KCNQ5: variants seen among roughly 807,000 people sequenced by gnomAD.
The protein encoded by KCNQ5 is potassium voltage-gated channel subfamily Q member 5.
KCNQ5 carries 30 observed loss-of-function variants against 98.2 expected under a neutral mutation model. The ratio of observed to expected loss-of-function variants is 0.31; its 90% CI spans 0.23 to 0.41. The LOEUF is 0.41. Ranked by LOEUF, KCNQ5 falls within the 10% of genes least tolerant of loss-of-function variation. KCNQ5 has a pLI of 1.00. For missense variants in KCNQ5, 835 were observed against 1,182.5 expected, an observed-to-expected ratio of 0.71 and a Z score of 4.31; for synonymous variants, 458 against 449.4, an observed-to-expected ratio of 1.02 and a Z score of -0.24.
intron 3 of KCNQ5, among the ~76,000 whole-genome samples, chr6:73,073,069 G>A (rs1199403784): frequency 6.6e-6 from 1 of 151,972 alleles, no homozygotes; most frequent in African/African-American, 2.4e-5. Flanking sequence ...TGCTTTATGC[G>A]ATAACAATTT....
chr6:72,726,756 A>C (rs1260974617), intron 1 of KCNQ5, among the ~76,000 whole-genome samples: 1 of 152,238 alleles, frequency 6.6e-6, no homozygotes, highest in Non-Finnish European at 1.5e-5. Flanking sequence ...TAAAGGAAAG[A>C]AAGAACAGTG....
intron 1 of KCNQ5, among the ~76,000 whole-genome samples, chr6:72,670,012 C>T (rs1431460508): frequency 6.7e-6 from 1 of 149,204 alleles, no homozygotes; most frequent in African/African-American, 2.5e-5. Flanking sequence ...TCATCTCTTT[C>T]CTCTTGAATT....
chr6:72,819,720 A>G (rs939101857), intron 1 of KCNQ5, among the ~76,000 whole-genome samples: 63 of 152,196 alleles, frequency 4.1e-4, no homozygotes, highest in East Asian at 1.9e-4. Flanking sequence ...AGCATGAGCC[A>G]TCATGCCTCT....
intron 3 of KCNQ5, among the ~76,000 whole-genome samples, chr6:73,071,110 A>G (rs1049241984): frequency 8.5e-5 from 13 of 152,190 alleles, no homozygotes; most frequent in Non-Finnish European, 1.5e-5. Flanking sequence ...AAGATTGAAG[A>G]CTTATAATAT....
At position 73,192,659 on chromosome 6, in the gene KCNQ5, A is replaced by G; in HGVS notation, c.1804A>G (p.Met602Val). ...ACATGAGACCACAGACGATCTCAGT[A>G]TGCTCGGTCGGGTGGTCAAGGTTGA... ...AEHETTDDLSMLGRVVKVEKQ... is the reference protein window; with the variant it reads ...AEHETTDDLSVLGRVVKVEKQ... The change falls in exon 13 of 14, where the codon ATG becomes GTG. Residue 602 changes from methionine (M) to valine (V), a missense_variant. Met to Val is a conservative substitution (Grantham distance 21, BLOSUM62 1). Transcript: ENST00000370398. The G allele has an allele frequency of 6.2e-7, 1 of 1,608,824 alleles. No homozygotes were observed. The highest frequency in any genetic ancestry group is 8.5e-7 in the Non-Finnish European group (1 of 1,177,402).
chr6:72,866,003 C>T (rs1273090970), intron 1 of KCNQ5, among the ~76,000 whole-genome samples: 1 of 152,142 alleles, frequency 6.6e-6, no homozygotes, highest in Non-Finnish European at 1.5e-5. Flanking sequence ...GAGAGCTTTA[C>T]ATTATGTAAT....
intron 1 of KCNQ5, among the ~76,000 whole-genome samples, chr6:72,879,659 T>C (rs1438956159): frequency 6.6e-6 from 1 of 152,212 alleles, no homozygotes; most frequent in African/African-American, 2.4e-5. Flanking sequence ...AAAAATACTT[T>C]CTTGCCCTAA....
intron 1 of KCNQ5, among the ~76,000 whole-genome samples, chr6:72,888,809 C>T: frequency 6.6e-6 from 1 of 152,138 alleles, no homozygotes; most frequent in Admixed American, 6.6e-5. Context: ...CCTTCATTCA[C>T]ATTTTTTAAT....
intron 1 of KCNQ5, among the ~76,000 whole-genome samples, chr6:72,828,226 C>G (rs1582369548): frequency 3.3e-5 from 5 of 152,018 alleles, no homozygotes; most frequent in Admixed American, 3.3e-4. Flanking sequence ...CTTTGTGGCT[C>G]TATTCAAATT....
At chr6:73,125,296 A>T in intron 9 of KCNQ5, 1 of 348,440 alleles carries the variant, frequency 2.9e-6, no homozygotes, top group Non-Finnish European at 5.9e-6. Flanking sequence ...GGTGAAAGAA[A>T]AATTTCTTGA....
intron 1 of KCNQ5, among the ~76,000 whole-genome samples, chr6:72,858,178 C>T (rs1777609677): frequency 6.6e-6 from 1 of 152,028 alleles, no homozygotes; most frequent in South Asian, 2.1e-4. Flanking sequence ...TGGCATTTAA[C>T]TTTAAAATAC....
At chr6:73,179,840 C>T (rs1457623809) in intron 11 of KCNQ5, among the ~76,000 whole-genome samples, 1 of 152,224 alleles carries the variant, frequency 6.6e-6, no homozygotes, top group Non-Finnish European at 1.5e-5. Flanking sequence ...CTTCCCACCA[C>T]CTTGCACATC....
chr6:72,822,009 G>A (rs1194660815), intron 1 of KCNQ5, among the ~76,000 whole-genome samples: 1 of 152,126 alleles, frequency 6.6e-6, no homozygotes, highest in East Asian at 1.9e-4. Flanking sequence ...GTGACTCTCA[G>A]AAAGGCTGTC....
At chr6:72,641,482 A>G (rs2098927145) in intron 1 of KCNQ5, among the ~76,000 whole-genome samples, 1 of 152,088 alleles carries the variant, frequency 6.6e-6, no homozygotes, top group Admixed American at 6.6e-5. Flanking sequence ...TGCCCCAAAG[A>G]GCCTGAACCA....
At chr6:73,029,085 T>C (rs984017593) in intron 2 of KCNQ5, among the ~76,000 whole-genome samples, 2 of 152,156 alleles carry the variant, frequency 1.3e-5, no homozygotes, top group African/African-American at 4.8e-5. Context: ...CAGTGATGTA[T>C]TAATTAAGAC....
intron 1 of KCNQ5, among the ~76,000 whole-genome samples, chr6:72,768,819 T>C (rs543109448): frequency 1.5e-3 from 233 of 152,218 alleles, no homozygotes; most frequent in African/African-American, 5.4e-3. Context: ...AAATTTATTT[T>C]CATTGTAAAA....
At chr6:72,632,283 G>A (rs368290883) in intron 1 of KCNQ5, among the ~76,000 whole-genome samples, 18 of 151,628 alleles carry the variant, frequency 1.2e-4, no homozygotes, top group African/African-American at 3.9e-4. Context: ...GACTACAGGC[G>A]CCCGCGACCA....
At chr6:73,124,677 C>T (rs1775877170) in intron 9 of KCNQ5, 165 bp downstream of exon 9, 1 of 674,134 alleles carries the variant, frequency 1.5e-6, no homozygotes, top group Non-Finnish European at 2.6e-6. Context: ...ATATTTCGCC[C>T]CTTAGTATCA....
At chr6:73,131,657 T>A (rs559527590) in intron 9 of KCNQ5, among the ~76,000 whole-genome samples, 1 of 152,242 alleles carries the variant, frequency 6.6e-6, no homozygotes, top group South Asian at 2.1e-4. Context: ...TTTGACAGAT[T>A]TGTTTAAATA....
Sources: allele counts gnomAD v4.1 joint callset (sites outside exome capture counted in the v4.1 genomes callset), GRCh38; gene constraint gnomAD v4.1.1; transcripts MANE v1.5; gene names NCBI Gene and HGNC (gene_info 2026-07-23, HGNC 2026-07-21).